DDX43: variants seen among roughly 807,000 people sequenced by gnomAD.
The protein encoded by DDX43 is DEAD-box helicase 43.
In DDX43, 50 loss-of-function variants were observed where a neutral mutation model predicts 84.9. The ratio of observed to expected loss-of-function variants is 0.59; its 90% CI spans 0.47 to 0.75. The LOEUF (loss-of-function observed/expected upper bound fraction) is 0.75. Ranked by LOEUF, DDX43 falls within the 30% of genes least tolerant of loss-of-function variation. The pLI, the probability that DDX43 is intolerant of heterozygous loss-of-function variation, is 0.00. For missense variants in DDX43, 689 were observed against 798.6 expected (o/e 0.86, Z 1.65); for synonymous variants, 291 against 266.3 (o/e 1.09, Z -0.90).
chr6:73,408,581 A>G (rs538781129), intron 9 of DDX43, among the ~76,000 whole-genome samples: 2 of 151,678 alleles, frequency 1.3e-5, no homozygotes, highest in South Asian at 2.1e-4. Context: ...TTTAAGACAC[A>G]GTTTTGCTCT....
chr6:73,416,438 C>T (rs953217604), intron 16 of DDX43, among the ~76,000 whole-genome samples, 187 bp downstream of exon 16: 1 of 152,134 alleles, frequency 6.6e-6, no homozygotes, highest in Non-Finnish European at 1.5e-5. Context: ...TTTTTGTACT[C>T]ATGTTTATAG....
At chr6:73,399,314 C>G (rs1380749304) in intron 2 of DDX43, among the ~76,000 whole-genome samples, 1 of 152,174 alleles carries the variant, frequency 6.6e-6, no homozygotes, top group Non-Finnish European at 1.5e-5. Flanking sequence ...CATAGTATCT[C>G]AGGCCTGTAA....
chr6:73,412,251 A>G lies in DDX43; in HGVS notation c.1327A>G (p.Lys443Glu). The G allele has an allele frequency of 6.2e-7, 1 of 1,613,898 alleles. No homozygotes were observed. The highest frequency in any genetic ancestry group is 1.7e-5 in the Admixed American group (1 of 59,968). The change falls in exon 11 of 17, where the codon AAA (lysine) becomes GAA (glutamate). Residue 443 changes from lysine to glutamate, a missense_variant. Lys to Glu is a moderately conservative substitution (Grantham distance 56). This residue lies in a region of DDX43 where 552 missense variants were observed against 692.7 expected (regional missense o/e 0.80). Transcript: ENST00000370336. ...TCATCGCCTCGCACAATCTTATTTG[A>G]AAGAACCAATGATTGTCTATGTTGG... Reference protein sequence around the residue: ...SVHRLAQSYLKEPMIVYVGTL... With the variant: ...SVHRLAQSYLEEPMIVYVGTL...
intron 1 of DDX43, among the ~76,000 whole-genome samples, chr6:73,395,618 A>G (rs750233749): frequency 1.6e-5 from 2 of 123,954 alleles, no homozygotes; most frequent in African/African-American, 3.5e-5. Context: ...CGTCTCAATT[A>G]AAAAAAAAAA....
chr6:73,405,610 T>G, intron 5 of DDX43, 69 bp from the exon 6 acceptor site: 9 of 1,513,412 alleles, frequency 5.9e-6, no homozygotes, highest in Non-Finnish European at 8.1e-6. Context: ...AGACCAGCAC[T>G]GATTTTGGAG....
chr6:73,409,889 G>T (rs1447821453), intron 10 of DDX43, among the ~76,000 whole-genome samples: 7 of 152,036 alleles, frequency 4.6e-5, no homozygotes, highest in Non-Finnish European at 8.8e-5. Context: ...ACTTAGCCGG[G>T]CATAGTGGCG....
At position 73,395,270 on chromosome 6, in the gene DDX43, A is replaced by C; in HGVS notation, c.250+115A>C. 7 of 1,296,174 alleles carry C rather than the reference A, an allele frequency of 5.4e-6. 2 individuals are homozygous for C. The South Asian group carries it at 1.0e-4, about 19-fold the overall frequency. 80.3% of individuals were successfully genotyped at this position (1,296,174 alleles called of 1,614,324 possible). ...AATCAGCTGCCACCTAGTGAGGTTC[A>C]GGTCTCTCCCAGAGCTATTTGTAAA... On this transcript the variant is annotated intron_variant, in intron 1 of 16. Coordinates refer to ENST00000370336, the MANE Select transcript of DDX43 (RefSeq NM_018665.3).
intron 2 of DDX43, 111 bp downstream of exon 2, chr6:73,397,855 T>G: frequency 1.1e-6 from 1 of 935,644 alleles, no homozygotes; most frequent in Non-Finnish European, 1.7e-6. Flanking sequence ...CAGGCTGGAG[T>G]GCAGTGACGT....
In DDX43 at chr6:73,404,697, A is replaced by G. The variant is rs780615429; in HGVS notation, c.576A>G (p.Pro192=). 15 of 1,610,904 alleles carry G rather than the reference A, an allele frequency of 9.3e-6. No homozygotes were observed. Among genetic ancestry groups the G allele is most frequent in the Non-Finnish European group, 1.3e-5 (15 of 1,179,178 alleles). The change falls in exon 5 of 17, where the codon CCA becomes CCG. Residue 192 remains proline, a synonymous_variant. Coordinates refer to ENST00000370336, the MANE Select transcript of DDX43 (RefSeq NM_018665.3). ...TTTTCGCCTTTGTCCCAGATTTACC[A>G]CCAATTAAGAAAAACTTTTATAAAG... ...KWQKTKWADL[P]PIKKNFYKES...
In DDX43 at chr6:73,409,354, T is replaced by C. The variant is rs1430654021; in HGVS notation, c.1280+6T>C. ...AGGCAGACAGTTATGACCAGGTACG[T>C]ATATGCTTAATTACTGTGTGCAGAA... On this transcript the variant is annotated splice_donor_region_variant and intron_variant, in intron 10 of 16. Coordinates refer to ENST00000370336, the MANE Select transcript of DDX43 (RefSeq NM_018665.3). 1 of 1,591,368 alleles carries C rather than the reference T, an allele frequency of 6.3e-7. No individual in the cohort carries two copies. Among genetic ancestry groups the C allele is most frequent in the Non-Finnish European group, 8.6e-7 (1 of 1,159,366 alleles).
intron 14 of DDX43, 91 bp downstream of exon 14, chr6:73,414,777 A>G (rs1769869747): frequency 8.4e-7 from 1 of 1,189,320 alleles, no homozygotes; most frequent in South Asian, 1.6e-5. Flanking sequence ...ATTTTATTCT[A>G]TTACCTATAA....
chr6:73,407,685 C>A, intron 8 of DDX43, 70 bp downstream of exon 8: 1 of 1,132,952 alleles, frequency 8.8e-7, no homozygotes. Context: ...ACACATCTTC[C>A]CCATCATTTT....
At position 73,409,278 on chromosome 6, in the gene DDX43, A is replaced by G; in HGVS notation, c.1210A>G (p.Met404Val). The change falls in exon 10 of 17, where the codon ATG becomes GTG. Residue 404 changes from methionine to valine, a missense_variant. By Grantham distance (21) the Met-to-Val change is conservative. Transcript: ENST00000370336. ...AGATGAAGCAGACAAGATGTTGGAC[A>G]TGGGATTTGAACCCCAGATAATGAA... is the stretch of plus-strand genomic sequence containing the variant. The part of the protein sequence containing the change: ...VLDEADKMLD[M>V]GFEPQIMKIL... The G allele has an allele frequency of 1.2e-6, 2 of 1,614,166 alleles. No individual in the cohort carries two copies. Among genetic ancestry groups the G allele is most frequent in the Non-Finnish European group, 1.7e-6 (2 of 1,179,998 alleles).
In DDX43 at chr6:73,414,066, G is replaced by C; in HGVS notation, c.1593G>C (p.Glu531Asp). Residue 531 changes from glutamate (E) to aspartate (D), a missense_variant, in exon 13 of 17, where the codon GAG (glutamate) becomes GAC (aspartate). Around this residue, in one of 2 missense-constraint regions of DDX43, gnomAD observed 552 missense variants for 692.7 expected, o/e 0.80. Coordinates refer to ENST00000370336, the MANE Select transcript of DDX43 (RefSeq NM_018665.3). The stretch of plus-strand genomic sequence containing the variant: ...AGAGAGATCGGGAGAAAGCATTAGA[G>C]AACTTTAAAACAGGTATGTTTATGT... ...REQRDREKAL[E>D]NFKTGKVRIL... 6.3e-7 allele frequency: 1 copy of C among 1,594,226 alleles called. No homozygotes were observed. Among genetic ancestry groups the C allele is most frequent in the Non-Finnish European group, 8.6e-7 (1 of 1,162,168 alleles).
Position 73,415,478 on chromosome 6 carries a change from T to C in DDX43, c.1746-19T>C, listed in dbSNP as rs371078031. The C allele has an allele frequency of 3.2e-6, 5 of 1,584,170 alleles. No individual in the cohort carries two copies. On this transcript the variant is annotated intron_variant, in intron 14 of 16. Coordinates refer to ENST00000370336, the MANE Select transcript of DDX43 (RefSeq NM_018665.3). Reference sequence around the variant, plus strand: ...TAACTGAATAATGAATACATGAGTTTTTTTCCCCCACACTAAAGGAGGACT... The same window carrying C: ...TAACTGAATAATGAATACATGAGTTCTTTTCCCCCACACTAAAGGAGGACT...
intron 5 of DDX43, 111 bp downstream of exon 5, chr6:73,404,882 A>G: frequency 2.4e-6 from 2 of 837,462 alleles, no homozygotes; most frequent in Non-Finnish European, 3.8e-6. Flanking sequence ...TCAATATTCA[A>G]ATGAAAATGT....
At chr6:73,402,616 G>C (rs1360009588) in intron 4 of DDX43, among the ~76,000 whole-genome samples, 1 of 152,084 alleles carries the variant, frequency 6.6e-6, no homozygotes, top group Non-Finnish European at 1.5e-5. Flanking sequence ...GTCTTGCTCT[G>C]TCACCCAGGC....
At chr6:73,404,898 C>T in intron 5 of DDX43, 127 bp downstream of exon 5, 2 of 755,984 alleles carry the variant, frequency 2.6e-6, no homozygotes, top group Admixed American at 2.9e-5. Context: ...AATGTGTCAA[C>T]TTACATGATA....
In DDX43 at chr6:73,401,905, C is replaced by G; in HGVS notation, c.483C>G (p.Asn161Lys). 6.2e-7 allele frequency: 1 copy of G among 1,612,358 alleles called. No individual in the cohort carries two copies. The highest frequency in any genetic ancestry group is 8.5e-7 in the Non-Finnish European group (1 of 1,179,516). ...TTGGAAAAGATGGAAGCACAGATAA[C>G]AATGTTGTTGCAGGAGATCGGCCAT... ...PSVGKDGSTD[N>K]NVVAGDRPLI... Residue 161 changes from asparagine to lysine, a missense_variant, in exon 4 of 17, where the codon AAC becomes AAG. Coordinates refer to ENST00000370336, the MANE Select transcript of DDX43 (RefSeq NM_018665.3).
Sources: gnomAD v4.1 joint callset for allele counts (sites outside exome capture counted in the v4.1 genomes callset) on GRCh38, gnomAD v4.1.1 for gene constraint, gnomAD v4.1.1 regional missense constraint, MANE v1.5 for transcripts, NCBI Gene and HGNC (gene_info 2026-07-23, HGNC 2026-07-21) for gene names.